Variants in LRMDA observed in about 807,000 individuals in gnomAD.
The protein encoded by LRMDA is leucine rich melanocyte differentiation associated.
In LRMDA, 18 loss-of-function variants were observed where a neutral mutation model predicts 29.8. That is an observed-to-expected ratio of 0.60 (90% confidence interval 0.42 to 0.90). The LOEUF (loss-of-function observed/expected upper bound fraction) is 0.90, where lower values mean the gene tolerates loss of function less well. Ranked by LOEUF, LRMDA falls within the 40% of genes least tolerant of loss-of-function variation. The pLI is 0.00. For synonymous variants in LRMDA, 125 were observed against 109.4 expected (o/e 1.14, Z -0.89); for missense variants, 273 against 273.9 (o/e 1.00, Z 0.02).
At chr10:76,111,118 G>A (rs7901856) in intron 5 of LRMDA, among the ~76,000 whole-genome samples, 54,678 of 151,900 alleles carry the variant, frequency 0.36, 11,685 homozygotes, top group East Asian at 0.66. Context: ...CCAGTTCTTA[G>A]CTTGTTATCA....
At chr10:76,197,341 T>A (rs964691554) in intron 5 of LRMDA, among the ~76,000 whole-genome samples, 1 of 152,240 alleles carries the variant, frequency 6.6e-6, no homozygotes, top group African/African-American at 2.4e-5. Context: ...ATACTATTTT[T>A]ATAATTGGGG....
chr10:76,524,649 A>G lies in LRMDA; in HGVS notation c.602-32560A>G, dbSNP rs911382972. Among the ~76,000 whole-genome samples, 6 of 152,336 alleles carry G rather than the reference A, an allele frequency of 3.9e-5. No homozygotes were observed. In the East Asian group the frequency reaches 7.7e-4, roughly 20 times the overall value. ...GATCTTTCCTTTTGAACGGTGTCCAATGACTTCGAATAACCATGTGTTCTC... is the reference window on the plus strand; with the variant it reads ...GATCTTTCCTTTTGAACGGTGTCCAGTGACTTCGAATAACCATGTGTTCTC... On this transcript the variant is annotated intron_variant, in intron 6 of 6. Coordinates refer to ENST00000611255, the MANE Select transcript of LRMDA (RefSeq NM_001305581.2).
chr10:76,218,108 C>A (rs1472966558), intron 5 of LRMDA, among the ~76,000 whole-genome samples: 2 of 152,130 alleles, frequency 1.3e-5, no homozygotes, highest in Non-Finnish European at 2.9e-5. Context: ...AGTGGAAGGC[C>A]TGGCGGGAGC....
chr10:76,326,518 C>A (rs1840835581), intron 6 of LRMDA, among the ~76,000 whole-genome samples: 1 of 152,212 alleles, frequency 6.6e-6, no homozygotes, highest in African/African-American at 2.4e-5. Flanking sequence ...TACATCAATT[C>A]TTTCTCAAGT....
chr10:76,381,264 C>T (rs1239546359), intron 6 of LRMDA, among the ~76,000 whole-genome samples: 1 of 151,684 alleles, frequency 6.6e-6, no homozygotes, highest in Non-Finnish European at 1.5e-5. Context: ...AACATTTGTA[C>T]GTCATTTAGG....
At position 76,538,546 on chromosome 10, in the gene LRMDA, A is replaced by G. The variant is rs138898786; in HGVS notation, c.602-18663A>G. On this transcript the variant is annotated intron_variant, in intron 6 of 6. Transcript: ENST00000611255. Reference sequence around the variant, plus strand: ...TATTTATATACAGTTATATATATGTATATATATATACACACACACACACAC... The same window carrying G: ...TATTTATATACAGTTATATATATGTGTATATATATACACACACACACACAC... 1.8e-3 allele frequency among the ~76,000 whole-genome samples: 256 copies of G among 141,522 alleles called. 1 individual carries two copies. The highest frequency in any genetic ancestry group is 6.8e-3 in the African/African-American group (244 of 35,692). 92.8% of individuals were successfully genotyped at this position (141,522 alleles called of 152,430 possible). A position where few individuals can be genotyped will look rare whatever the true frequency, so the allele number is the denominator to read the frequency against.
intron 2 of LRMDA, among the ~76,000 whole-genome samples, chr10:75,860,204 C>A (rs189052985): frequency 6.6e-6 from 1 of 152,066 alleles, no homozygotes; most frequent in Non-Finnish European, 1.5e-5. Context: ...AAGAGGTCAC[C>A]TTGCTCTTTG....
At chr10:76,546,894 C>A (rs1402034463) in intron 6 of LRMDA, among the ~76,000 whole-genome samples, 1 of 152,016 alleles carries the variant, frequency 6.6e-6, no homozygotes, top group Non-Finnish European at 1.5e-5. Context: ...GTTACTTGAC[C>A]CATGTACCAG....
chr10:76,209,021 G>A (rs1851588188), intron 5 of LRMDA, among the ~76,000 whole-genome samples: 1 of 152,040 alleles, frequency 6.6e-6, no homozygotes. Context: ...AGGTGTGGTG[G>A]TGGGCACCTA....
At chr10:75,765,323 T>A (rs1396757809) in intron 2 of LRMDA, among the ~76,000 whole-genome samples, 1 of 152,060 alleles carries the variant, frequency 6.6e-6, no homozygotes, top group African/African-American at 2.4e-5. Flanking sequence ...TGGAGTTAAC[T>A]GAGGACACTA....
At chr10:75,542,973 A>T (rs1244729678) in intron 2 of LRMDA, among the ~76,000 whole-genome samples, 1 of 152,232 alleles carries the variant, frequency 6.6e-6, no homozygotes, top group African/African-American at 2.4e-5. Context: ...CACATGAGAA[A>T]CTTCCAAGAA....
At chr10:75,699,356 T>A (rs1157775518) in intron 2 of LRMDA, among the ~76,000 whole-genome samples, 1 of 152,116 alleles carries the variant, frequency 6.6e-6, no homozygotes, top group African/African-American at 2.4e-5. Context: ...TGAAAACAGA[T>A]GTTTGGAAAG....
intron 5 of LRMDA, among the ~76,000 whole-genome samples, chr10:76,153,938 T>C (rs570127176): frequency 6.6e-6 from 1 of 152,226 alleles, no homozygotes; most frequent in South Asian, 2.1e-4. Flanking sequence ...AGTGGCCATA[T>C]GGACTGTTGT....
intron 2 of LRMDA, among the ~76,000 whole-genome samples, chr10:75,711,510 A>G (rs1170671301): frequency 6.6e-6 from 1 of 152,212 alleles, no homozygotes; most frequent in African/African-American, 2.4e-5. Context: ...AAGCATAGTC[A>G]TTTTAATCAT....
intron 6 of LRMDA, among the ~76,000 whole-genome samples, chr10:76,538,530 AC>A: frequency 3.4e-5 from 5 of 146,360 alleles, no homozygotes; most frequent in Admixed American, 6.9e-5. Context: ...ATATTTATAT[AC>A]AGTTATATAT....
chr10:76,545,732 A>G (rs1386819402), intron 6 of LRMDA, among the ~76,000 whole-genome samples: 1 of 151,532 alleles, frequency 6.6e-6, no homozygotes, highest in Non-Finnish European at 1.5e-5. Flanking sequence ...TAAAACCTCC[A>G]TTTACCAAAA....
chr10:75,819,288 C>A (rs953739469), intron 2 of LRMDA, among the ~76,000 whole-genome samples: 1 of 152,132 alleles, frequency 6.6e-6, no homozygotes, highest in Non-Finnish European at 1.5e-5. Flanking sequence ...TCAGTGACTT[C>A]TTGAGTACTT....
chr10:75,512,325 C>T (rs911535441), intron 2 of LRMDA, among the ~76,000 whole-genome samples: 3 of 151,682 alleles, frequency 2.0e-5, no homozygotes, highest in African/African-American at 4.8e-5. Flanking sequence ...CACAGCTAAT[C>T]GTTTTCTCCC....
At chr10:76,401,581 T>G (rs1287211233) in intron 6 of LRMDA, among the ~76,000 whole-genome samples, 1 of 152,158 alleles carries the variant, frequency 6.6e-6, no homozygotes, top group African/African-American at 2.4e-5. Context: ...CTAACCCACT[T>G]GTTCTCCTCA....
Sources: allele counts gnomAD v4.1 joint callset (sites outside exome capture counted in the v4.1 genomes callset), GRCh38; gene constraint gnomAD v4.1.1; transcripts MANE v1.5; gene names NCBI Gene and HGNC (gene_info 2026-07-23, HGNC 2026-07-21).